SYCP2L: variants seen among roughly 807,000 people sequenced by gnomAD.
The protein encoded by SYCP2L is synaptonemal complex protein 2-like.
Under a neutral mutation model 125.8 loss-of-function variants are expected in SYCP2L, and 98 were observed. The ratio of observed to expected loss-of-function variants is 0.78; its 90% CI spans 0.66 to 0.92. The LOEUF is 0.92. Ranked by LOEUF, SYCP2L falls within the 40% of genes least tolerant of loss-of-function variation. The pLI is 0.00. For synonymous variants in SYCP2L, 317 were observed against 325.4 expected, an observed-to-expected ratio of 0.97 and a Z score of 0.28; for missense variants, 842 against 936.4, an observed-to-expected ratio of 0.90 and a Z score of 1.32.
chr6:10,894,797 G>C (rs1449885041), intron 4 of SYCP2L, among the ~76,000 whole-genome samples: 3 of 152,164 alleles, frequency 2.0e-5, no homozygotes, highest in Non-Finnish European at 2.9e-5. Context: ...CTGCAGTTCC[G>C]CTCTTTTAGT....
At position 10,887,062 on chromosome 6, in the gene SYCP2L, G is replaced by T; in HGVS notation, c.-65G>T. 1 of 1,611,700 alleles carries T rather than the reference G, an allele frequency of 6.2e-7. No individual in the cohort carries two copies. The highest frequency in any genetic ancestry group is 8.5e-7 in the Non-Finnish European group (1 of 1,178,550). Reference sequence around the variant, plus strand: ...GCGGGGCTCTTGGGCGGGGAAGCAGGAGAGGGCCGACCGAGCGCAACAAAG... The same window carrying T: ...GCGGGGCTCTTGGGCGGGGAAGCAGTAGAGGGCCGACCGAGCGCAACAAAG... On this transcript the variant is annotated 5_prime_UTR_variant, in exon 1 of 30. Coordinates refer to ENST00000283141, the MANE Select transcript of SYCP2L (RefSeq NM_001040274.3).
intron 14 of SYCP2L, among the ~76,000 whole-genome samples, chr6:10,915,915 GTC>G (rs1780685318): frequency 6.6e-6 from 1 of 152,148 alleles, no homozygotes; most frequent in Non-Finnish European, 1.5e-5. Flanking sequence ...TTCTCTGACT[GTC>G]TGGTAGAATT....
intron 24 of SYCP2L, among the ~76,000 whole-genome samples, chr6:10,955,872 G>A (rs1228907138): frequency 2.0e-5 from 3 of 152,148 alleles, no homozygotes; most frequent in African/African-American, 7.2e-5. Context: ...AAATACCCTA[G>A]CTATATGTCC....
At chr6:10,894,955 G>C (rs1780232029) in intron 4 of SYCP2L, among the ~76,000 whole-genome samples, 1 of 152,080 alleles carries the variant, frequency 6.6e-6, no homozygotes, top group Non-Finnish European at 1.5e-5. Context: ...GGCCAGATTG[G>C]GCCAAGATCT....
chr6:10,907,892 G>GTTTTTGTTTTTTTTTTTTTTTT (rs1780526669), intron 10 of SYCP2L, among the ~76,000 whole-genome samples: 1 of 91,922 alleles, frequency 1.1e-5, no homozygotes, highest in African/African-American at 4.1e-5. Flanking sequence ...ATACAGATAG[G>GTTTTTGTTTTTTTTTTTTTTTT]TTTTTTTTTT....
At position 10,913,064 on chromosome 6, in the gene SYCP2L, G is replaced by T. The variant is rs1581823434; in HGVS notation, c.1072+137G>T. 78 of 713,522 alleles carry T rather than the reference G, an allele frequency of 1.1e-4. 1 individual carries two copies. The East Asian group carries it at 2.2e-3, about 20-fold the overall frequency. 44.2% of individuals were successfully genotyped at this position (713,522 alleles called of 1,614,324 possible). A position where few individuals can be genotyped will look rare whatever the true frequency, so the allele number is the denominator to read the frequency against. On this transcript the variant is annotated intron_variant, in intron 14 of 29. Transcript: ENST00000283141. The stretch of plus-strand genomic sequence containing the variant: ...GGAAGGCTGTATGGTATGATAGAAG[G>T]TGCGCTGTCACAGGTTTGTGACTTC...
At chr6:10,956,050 C>T (rs1781498005) in intron 24 of SYCP2L, 86 bp from the exon 25 acceptor site, 2 of 1,103,690 alleles carry the variant, frequency 1.8e-6, no homozygotes, top group East Asian at 2.5e-5. Context: ...TTCCAAATAA[C>T]TCATCCTCTG....
intron 15 of SYCP2L, among the ~76,000 whole-genome samples, chr6:10,925,726 A>T (rs970695679): frequency 5.9e-5 from 9 of 152,300 alleles, no homozygotes; most frequent in African/African-American, 2.2e-4. Flanking sequence ...CTTTTTACAA[A>T]AAGGCCATTT....
intron 8 of SYCP2L, among the ~76,000 whole-genome samples, chr6:10,904,727 G>C (rs2113305601): frequency 6.6e-6 from 1 of 152,254 alleles, no homozygotes; most frequent in Non-Finnish European, 1.5e-5. Flanking sequence ...CAGTGGTACT[G>C]TTTTCTGGTT....
rs1472047405 is a variant in SYCP2L at position 10,912,196 on chromosome 6, A to T, written c.919-477A>T. ...TTCTTCCCCTGTTTTAACTCTAAGCATCTATTTATTTTAGAATAATTAAAA... is the reference window on the plus strand; with the variant it reads ...TTCTTCCCCTGTTTTAACTCTAAGCTTCTATTTATTTTAGAATAATTAAAA... On this transcript the variant is annotated intron_variant, in intron 12 of 29. Coordinates refer to ENST00000283141, the MANE Select transcript of SYCP2L (RefSeq NM_001040274.3). This position sits in a 1 kb window ranked among gnomAD's most constrained non-coding sequence, Gnocchi z 4.1. 6.6e-6 allele frequency among the ~76,000 whole-genome samples: 1 copy of T among 152,094 alleles called. No individual in the cohort carries two copies. Among genetic ancestry groups the T allele is most frequent in the Non-Finnish European group, 1.5e-5 (1 of 68,012 alleles).
chr6:10,904,527 G>A lies in SYCP2L; in HGVS notation c.642-1493G>A, dbSNP rs149840732. On this transcript the variant is annotated intron_variant, in intron 8 of 29. Coordinates refer to ENST00000283141, the MANE Select transcript of SYCP2L (RefSeq NM_001040274.3). ...TCCTAAACAAATTTTTATTTAATAC[G>A]TTAGTGAAATCACTACTCTTAGTGG... Among the ~76,000 whole-genome samples the A allele has an allele frequency of 7.4e-3, 1,128 of 152,234 alleles. 15 individuals carry two copies. The highest frequency in any genetic ancestry group is 0.026 in the African/African-American group (1,072 of 41,548).
chr6:10,888,869 CTTT>C, intron 1 of SYCP2L, among the ~76,000 whole-genome samples: 1 of 149,358 alleles, frequency 6.7e-6, no homozygotes, highest in African/African-American at 2.4e-5. Flanking sequence ...AATTAACACC[CTTT>C]TTTTTTTGAT....
At chr6:10,890,901 A>G (rs1424486239) in intron 1 of SYCP2L, among the ~76,000 whole-genome samples, 1 of 152,208 alleles carries the variant, frequency 6.6e-6, no homozygotes, top group African/African-American at 2.4e-5. Flanking sequence ...ACATATAAAT[A>G]TCCAGTTTTC....
At chr6:10,888,011 A>G (rs1780106141) in intron 1 of SYCP2L, among the ~76,000 whole-genome samples, 1 of 147,948 alleles carries the variant, frequency 6.8e-6, no homozygotes, top group Non-Finnish European at 1.5e-5. Flanking sequence ...TAAGAACATT[A>G]CAGACATTCT....
intron 18 of SYCP2L, 116 bp downstream of exon 18, chr6:10,928,566 T>A: frequency 1.5e-6 from 2 of 1,376,988 alleles, no homozygotes; most frequent in African/African-American, 1.5e-5. Context: ...ATCTGTCAAT[T>A]TAAAAAAATT....
chr6:10,934,450 G>A (rs1475140313), intron 20 of SYCP2L, among the ~76,000 whole-genome samples: 7 of 152,290 alleles, frequency 4.6e-5, no homozygotes, highest in African/African-American at 1.4e-4. Context: ...AGGCCAAGGC[G>A]GGCAGATCAC....
At chr6:10,921,419 TGGTATTTCTTTCTCTA>T (rs2113339848) in intron 14 of SYCP2L, among the ~76,000 whole-genome samples, 1 of 152,330 alleles carries the variant, frequency 6.6e-6, no homozygotes, top group East Asian at 1.9e-4. Flanking sequence ...CTGGGTCAAA[TGGTATTTCTTTCTCTA>T]GGTCTTTGAG....
intron 4 of SYCP2L, among the ~76,000 whole-genome samples, chr6:10,897,100 T>G (rs2113291917): frequency 6.6e-6 from 1 of 152,276 alleles, no homozygotes; most frequent in African/African-American, 2.4e-5. Flanking sequence ...ATAAGATGGC[T>G]TTTGCTTTAT....
intron 23 of SYCP2L, among the ~76,000 whole-genome samples, chr6:10,951,642 A>G (rs539727793): frequency 1.1e-4 from 17 of 152,340 alleles, no homozygotes; most frequent in African/African-American, 3.6e-4. Context: ...TTAGCACTTA[A>G]TAAACATCGG....
Sources: allele counts gnomAD v4.1 joint callset (sites outside exome capture counted in the v4.1 genomes callset), GRCh38; gene constraint gnomAD v4.1.1; non-coding constraint Gnocchi (gnomAD v3.1); transcripts MANE v1.5; gene names NCBI Gene and HGNC (gene_info 2026-07-23, HGNC 2026-07-21).